ZNF638: variants seen among roughly 807,000 people sequenced by gnomAD.
ZNF638 encodes the protein zinc finger protein 638.
In ZNF638, 46 loss-of-function variants were observed where a neutral mutation model predicts 195.6. The observed-to-expected ratio is 0.24, with a 90% CI of 0.19 to 0.30. The LOEUF is 0.30. Ranked by LOEUF, ZNF638 falls within the 10% of genes least tolerant of loss-of-function variation. The pLI is 1.00. For synonymous variants in ZNF638, 845 were observed against 772.0 expected (o/e 1.09, Z -1.57); for missense variants, 2,440 against 2,325.3 (o/e 1.05, Z -1.01).
In ZNF638 at chr2:71,423,244, C is replaced by G. The variant is rs199964157; in HGVS notation, c.3730C>G (p.Pro1244Ala). ...RNLKGILEESPSEAEDFISGI... is the reference protein window; with the variant it reads ...RNLKGILEESASEAEDFISGI... Reference sequence around the variant, plus strand: ...CCTCAAAGGAATTCTAGAAGAATCTCCATCTGAAGCAGAAGATTTCATTTC... The same window carrying G: ...CCTCAAAGGAATTCTAGAAGAATCTGCATCTGAAGCAGAAGATTTCATTTC... Residue 1244 changes from proline to alanine, a missense_variant, in exon 22 of 28, where the codon CCA becomes GCA. By Grantham distance (27) the Pro-to-Ala change is conservative (BLOSUM62 -1). Transcript: ENST00000264447. 1.8e-5 allele frequency: 29 copies of G among 1,613,930 alleles called. No homozygotes were observed. Among genetic ancestry groups the G allele is most frequent in the African/African-American group, 2.7e-5 (2 of 74,880 alleles).
chr2:71,400,094 G>T lies in ZNF638; in HGVS notation c.2588-18G>T. 1 of 1,587,804 alleles carries T rather than the reference G, an allele frequency of 6.3e-7. No individual in the cohort carries two copies. The highest frequency in any genetic ancestry group is 8.6e-7 in the Non-Finnish European group (1 of 1,168,212). On this transcript the variant is annotated intron_variant, in intron 13 of 27. Transcript: ENST00000264447. ...ATTAGTGTTTTACTAGACTATTAAA[G>T]CAGACTATTTCATGCAGAAAACTCT... is the stretch of plus-strand genomic sequence containing the variant.
intron 1 of ZNF638, 109 bp from the exon 2 acceptor site, chr2:71,348,644 G>A: frequency 7.1e-6 from 9 of 1,274,806 alleles, no homozygotes; most frequent in Non-Finnish European, 9.0e-6. Context: ...TATATGAAAT[G>A]CAGAATGGTT....
chr2:71,377,925 A>G (rs1490674256), intron 8 of ZNF638, among the ~76,000 whole-genome samples: 1 of 152,240 alleles, frequency 6.6e-6, no homozygotes. Context: ...TGGGAAAAAG[A>G]TTATGATTCG....
chr2:71,399,599 T>C lies in ZNF638; in HGVS notation c.2541T>C (p.Thr847=). The C allele has an allele frequency of 1.2e-6, 2 of 1,612,876 alleles. No individual in the cohort carries two copies. Among genetic ancestry groups the C allele is most frequent in the Non-Finnish European group, 1.7e-6 (2 of 1,179,298 alleles). Reference sequence around the variant, plus strand: ...AGAAGTCTCTAGAAGCCAAAAAGACTGGGAATGTCAAAAACAAAGACTCTA... The same window carrying C: ...AGAAGTCTCTAGAAGCCAAAAAGACCGGGAATGTCAAAAACAAAGACTCTA... ...GGKKSLEAKK[T]GNVKNKDSNK... The change falls in exon 13 of 28, where the codon ACT becomes ACC. Residue 847 remains threonine (T), a synonymous_variant. Coordinates refer to ENST00000264447, the MANE Select transcript of ZNF638 (RefSeq NM_014497.5).
chr2:71,364,743 A>G (rs1470832836), intron 5 of ZNF638, among the ~76,000 whole-genome samples: 1 of 152,190 alleles, frequency 6.6e-6, no homozygotes, highest in Non-Finnish European at 1.5e-5. Flanking sequence ...CACAGGTCTT[A>G]TTGTGTCTAG....
Position 71,350,250 on chromosome 2 carries a change from C to T in ZNF638, c.1296C>T (p.Asn432=), listed in dbSNP as rs1187780946. ...TTCCACATTTGTGTTCTCTGTGTAACGTAGAATGTAGTCATTTGAAGGTGA... is the reference window on the plus strand; with the variant it reads ...TTCCACATTTGTGTTCTCTGTGTAATGTAGAATGTAGTCATTTGAAGGTGA... ...RIFPHLCSLC[N]VECSHLKDWI... is the part of the protein sequence containing the mutation. Residue 432 remains asparagine (N), a synonymous_variant, in exon 2 of 28, where the codon AAC becomes AAT. Transcript: ENST00000264447. 6.2e-6 allele frequency: 10 copies of T among 1,601,022 alleles called. No homozygotes were observed. Among genetic ancestry groups the T allele is most frequent in the African/African-American group, 4.0e-5 (3 of 74,842 alleles).
At chr2:71,359,274 AG>A (rs2079071340) in intron 3 of ZNF638, among the ~76,000 whole-genome samples, 1 of 152,206 alleles carries the variant, frequency 6.6e-6, no homozygotes, top group Non-Finnish European at 1.5e-5. Context: ...TTCCAAACCA[AG>A]GAAGCTGATA....
At chr2:71,359,890 A>G (rs779580387) in intron 3 of ZNF638, among the ~76,000 whole-genome samples, 12 of 152,298 alleles carry the variant, frequency 7.9e-5, no homozygotes, top group Non-Finnish European at 1.2e-4. Context: ...AGTTGAGGAA[A>G]GATAACAGTG....
At chr2:71,407,569 A>C (rs1214729917) in intron 19 of ZNF638, 1 of 152,220 alleles carries the variant, frequency 6.6e-6, no homozygotes, top group African/African-American at 2.4e-5. Context: ...ACATAAATTT[A>C]ACATTTTAAT....
At chr2:71,386,735 T>C (rs1473942630) in intron 10 of ZNF638, among the ~76,000 whole-genome samples, 1 of 152,152 alleles carries the variant, frequency 6.6e-6, no homozygotes, top group East Asian at 1.9e-4. Context: ...CCATTTATAA[T>C]AATAAAAATG....
intron 2 of ZNF638, among the ~76,000 whole-genome samples, chr2:71,351,146 G>A (rs149784172): frequency 2.6e-5 from 4 of 152,252 alleles, no homozygotes; most frequent in Admixed American, 1.3e-4. Context: ...ATACTAACAT[G>A]GGAAAAAGCT....
chr2:71,397,038 C>G (rs1573115982), intron 11 of ZNF638, among the ~76,000 whole-genome samples: 1 of 152,062 alleles, frequency 6.6e-6, no homozygotes, highest in Non-Finnish European at 1.5e-5. Flanking sequence ...AGTGGCAGAT[C>G]CAGAATTTTC....
At chr2:71,389,032 G>C (rs1238687845) in intron 10 of ZNF638, among the ~76,000 whole-genome samples, 1 of 152,102 alleles carries the variant, frequency 6.6e-6, no homozygotes, top group Non-Finnish European at 1.5e-5. Flanking sequence ...TTAACCTTAT[G>C]GGCCTTAGTT....
At chr2:71,363,860 C>A in intron 4 of ZNF638, 94 bp from the exon 5 acceptor site, 2 of 1,399,040 alleles carry the variant, frequency 1.4e-6, no homozygotes, top group Non-Finnish European at 1.9e-6. Flanking sequence ...GTATTGTTAA[C>A]AGTCTGTTTT....
intron 14 of ZNF638, 144 bp downstream of exon 14, chr2:71,400,324 T>A: frequency 1.9e-6 from 2 of 1,044,368 alleles, no homozygotes; most frequent in Non-Finnish European, 2.7e-6. Context: ...ATGTATTTTT[T>A]AAAAGCCAAT....
chr2:71,352,298 T>C (rs1432940006), intron 2 of ZNF638, among the ~76,000 whole-genome samples: 1 of 151,738 alleles, frequency 6.6e-6, no homozygotes. Context: ...ACTGACATGG[T>C]GAAATCCTGT....
intron 10 of ZNF638, among the ~76,000 whole-genome samples, chr2:71,382,451 C>T (rs1484053190): frequency 6.6e-6 from 1 of 152,088 alleles, no homozygotes; most frequent in Non-Finnish European, 1.5e-5. Flanking sequence ...GAGATCCGCT[C>T]AGATTGAAGA....
chr2:71,386,852 T>G (rs1452943696), intron 10 of ZNF638, among the ~76,000 whole-genome samples: 1 of 152,076 alleles, frequency 6.6e-6, no homozygotes. Flanking sequence ...AGATGCCTTT[T>G]TTTTCTTTTT....
chr2:71,349,151 C>T lies in ZNF638; in HGVS notation c.197C>T (p.Pro66Leu), dbSNP rs754386185. The T allele has an allele frequency of 1.9e-6, 3 of 1,614,092 alleles. No homozygotes were observed. In the South Asian group the frequency reaches 3.3e-5, roughly 18 times the overall value. ...AGHESYQNMG[P>L]QRMNVQVTQH... ...CATGAATCTTATCAGAACATGGGGC[C>T]ACAGAGAATGAATGTTCAGGTAACT... The change falls in exon 2 of 28, where the codon CCA becomes CTA. Residue 66 changes from proline to leucine, a missense_variant. Transcript: ENST00000264447.
Sources: gnomAD v4.1 joint callset for allele counts (sites outside exome capture counted in the v4.1 genomes callset) on GRCh38, gnomAD v4.1.1 for gene constraint, MANE v1.5 for transcripts, NCBI Gene and HGNC (gene_info 2026-07-23, HGNC 2026-07-21) for gene names.